Variants in MACO1 observed in about 807,000 individuals in gnomAD.
MACO1 encodes macoilin.
Under a neutral mutation model 78.7 loss-of-function variants are expected in MACO1, and 14 were observed. The observed-to-expected ratio is 0.18, with a 90% CI of 0.12 to 0.28. The LOEUF is 0.28. MACO1 is among the 10% of genes least tolerant of loss of function. The pLI is 1.00. For missense variants in MACO1, 501 were observed against 799.0 expected (o/e 0.63, Z 4.50); for synonymous variants, 288 against 291.6 (o/e 0.99, Z 0.12).
At chr1:25,431,559 C>T (rs1288883453) in intron 1 of MACO1, among the ~76,000 whole-genome samples, 1 of 151,992 alleles carries the variant, frequency 6.6e-6, no homozygotes, top group African/African-American at 2.4e-5. Context: ...CGCCGCTGGC[C>T]CCCGAGCCCC....
At chr1:25,446,357 A>G (rs2043015495) in intron 1 of MACO1, among the ~76,000 whole-genome samples, 2 of 152,230 alleles carry the variant, frequency 1.3e-5, no homozygotes, top group Non-Finnish European at 2.9e-5. Context: ...AAACAGATGT[A>G]TAGGGGTGGG....
At chr1:25,459,875 C>T (rs1210504854) in intron 6 of MACO1, among the ~76,000 whole-genome samples, 2 of 152,126 alleles carry the variant, frequency 1.3e-5, no homozygotes, top group African/African-American at 2.4e-5. Flanking sequence ...ATGTTCCTTT[C>T]ACCTCAGATC....
At position 25,430,964 on chromosome 1, in the gene MACO1, C is replaced by G. The variant is rs1172083498; in HGVS notation, c.-135C>G. 3 of 502,948 alleles carry G rather than the reference C, an allele frequency of 6.0e-6. No individual in the cohort carries two copies. Among genetic ancestry groups the G allele is most frequent in the Non-Finnish European group, 1.0e-5 (3 of 287,586 alleles). The allele number at this position is 502,948 out of a possible 1,614,324, so 31.2% of individuals were successfully genotyped here. ...CCCTCCCCGTGCTACCCCCTCCCCC[C>G]GGGTGCTGGCTCCATGTCTGTGTGA... On this transcript the variant is annotated 5_prime_UTR_variant, in exon 1 of 11. Coordinates refer to ENST00000374343, the MANE Select transcript of MACO1 (RefSeq NM_018202.6).
intron 6 of MACO1, among the ~76,000 whole-genome samples, chr1:25,462,081 C>T (rs2043176941): frequency 6.6e-6 from 1 of 152,124 alleles, no homozygotes. Context: ...TCAAACCTGA[C>T]ATGTTTGAGT....
intron 10 of MACO1, 73 bp downstream of exon 10, chr1:25,491,657 T>G (rs2043487006): frequency 1.5e-6 from 2 of 1,359,810 alleles, no homozygotes; most frequent in African/African-American, 1.4e-5. Flanking sequence ...AGACCTCTCC[T>G]GAGAGCTCTC....
chr1:25,454,194 A>G, intron 3 of MACO1, 65 bp from the exon 4 acceptor site: 4 of 1,417,774 alleles, frequency 2.8e-6, no homozygotes. Context: ...TTAGTCTCCC[A>G]AACAATCCAT....
rs1222151727 is a variant in MACO1, at chr1:25,499,070, T to C, written c.*604T>C. 1.3e-5 allele frequency: 2 copies of C among 152,276 alleles called. No homozygotes were observed. The highest frequency in any genetic ancestry group is 2.4e-5 in the African/African-American group (1 of 41,470). 9.4% of individuals were successfully genotyped at this position (152,276 alleles called of 1,614,324 possible). A position where few individuals can be genotyped will look rare whatever the true frequency, so the allele number is the denominator to read the frequency against. On this transcript the variant is annotated 3_prime_UTR_variant, in exon 11 of 11. Coordinates refer to ENST00000374343, the MANE Select transcript of MACO1 (RefSeq NM_018202.6). ...TAAGTGATGAAACTAGCTGTAAGAA[T>C]GTAACAGGGGTTGTGTTTGAAATAT...
chr1:25,480,925 AAAAAAT>A (rs2043367027), intron 6 of MACO1, among the ~76,000 whole-genome samples: 1 of 32,116 alleles, frequency 3.1e-5, no homozygotes, highest in Non-Finnish European at 6.6e-5. Context: ...AAAAAAAAAA[AAAAAAT>A]ATATATATAT....
In MACO1 at chr1:25,446,358, TA is replaced by T. The variant is rs1187827798; in HGVS notation, c.81-403del. ...TTCAAAGACTCTTCAAACAGATGTA[TA>T]GGGGTGGGGAAACAGCAAATTTGAA... On this transcript the variant is annotated intron_variant, in intron 1 of 10. Transcript: ENST00000374343. Among the ~76,000 whole-genome samples, 9 of 152,256 alleles carry T rather than the reference TA, an allele frequency of 5.9e-5. 1 individual carries two copies. The highest frequency in any genetic ancestry group is 2.2e-4 in the African/African-American group (9 of 41,566).
At chr1:25,494,890 G>A (rs548718059) in intron 10 of MACO1, among the ~76,000 whole-genome samples, 230 of 152,294 alleles carry the variant, frequency 1.5e-3, no homozygotes, top group African/African-American at 4.8e-3. Context: ...AACCAAAGAC[G>A]GAGGCCCAAA....
In MACO1 at chr1:25,462,009, CCT is replaced by C. The variant is rs554158996; in HGVS notation, c.1154+3120_1154+3121del. Among the ~76,000 whole-genome samples the C allele has an allele frequency of 6.9e-3, 1,047 of 152,306 alleles. 11 individuals are homozygous for C. Among genetic ancestry groups the C allele is most frequent in the Non-Finnish European group, 0.011 (775 of 68,030 alleles). On this transcript the variant is annotated intron_variant, in intron 6 of 10. Coordinates refer to ENST00000374343, the MANE Select transcript of MACO1 (RefSeq NM_018202.6). ...TCCTCCCACCCTTCCTTAGCCGTCGCCTCTGTTTCCTCATTTGACTTCATGTA... is the reference window on the plus strand; with the variant it reads ...TCCTCCCACCCTTCCTTAGCCGTCGCCTGTTTCCTCATTTGACTTCATGTA...
rs149488133 is a variant in MACO1 at position 25,447,456 on chromosome 1, T to G, written c.222+553T>G. On this transcript the variant is annotated intron_variant, in intron 2 of 10. Coordinates refer to ENST00000374343, the MANE Select transcript of MACO1 (RefSeq NM_018202.6). The stretch of plus-strand genomic sequence containing the variant: ...TAAAATACACACTTATTAATGCACT[T>G]AAACATCATAATAAGCCCATTACAC... Among the ~76,000 whole-genome samples, 256 of 152,342 alleles carry G rather than the reference T, an allele frequency of 1.7e-3. 2 individuals are homozygous for G. The highest frequency in any genetic ancestry group is 5.8e-3 in the African/African-American group (241 of 41,564).
chr1:25,496,567 T>C (rs2043539062), intron 10 of MACO1, among the ~76,000 whole-genome samples: 1 of 152,186 alleles, frequency 6.6e-6, no homozygotes, highest in Admixed American at 6.5e-5. Context: ...ATGAAAGTCA[T>C]GTGAGGCTTT....
chr1:25,432,090 G>A (rs929787865), intron 1 of MACO1, among the ~76,000 whole-genome samples: 1 of 152,056 alleles, frequency 6.6e-6, no homozygotes, highest in Non-Finnish European at 1.5e-5. Flanking sequence ...ACTTGTAAAT[G>A]GTATTTGCCT....
In MACO1 at chr1:25,498,922, CAG is replaced by C. The variant is rs1287016980; in HGVS notation, c.*459_*460del. 6.5e-6 allele frequency: 1 copy of C among 154,642 alleles called. No individual in the cohort carries two copies. The highest frequency in any genetic ancestry group is 2.4e-5 in the African/African-American group (1 of 41,472). 9.6% of individuals were successfully genotyped at this position (154,642 alleles called of 1,614,324 possible). A position where few individuals can be genotyped will look rare whatever the true frequency, so the allele number is the denominator to read the frequency against. On this transcript the variant is annotated 3_prime_UTR_variant, in exon 11 of 11. Transcript: ENST00000374343. ...AAGAGTGAAGGGTTAAGTAACCTAACAGAGCTTTGATGTTATAGCTGCATTAA... is the reference window on the plus strand; with the variant it reads ...AAGAGTGAAGGGTTAAGTAACCTAACAGCTTTGATGTTATAGCTGCATTAA...
intron 3 of MACO1, among the ~76,000 whole-genome samples, chr1:25,452,675 T>C (rs1373913950): frequency 1.3e-5 from 2 of 152,036 alleles, no homozygotes; most frequent in African/African-American, 4.8e-5. Context: ...TTTTTGCTAT[T>C]GCAAATAATA....
intron 1 of MACO1, among the ~76,000 whole-genome samples, chr1:25,433,573 C>A (rs1433417805): frequency 6.6e-6 from 1 of 151,852 alleles, no homozygotes; most frequent in Non-Finnish European, 1.5e-5. Flanking sequence ...CCAAACCTTT[C>A]ATGGACTTAC....
chr1:25,472,033 C>G (rs1223110984), intron 6 of MACO1, among the ~76,000 whole-genome samples: 1 of 152,114 alleles, frequency 6.6e-6, no homozygotes, highest in Non-Finnish European at 1.5e-5. Context: ...GCCAAGGAAT[C>G]TAGACAGAAG....
chr1:25,473,081 T>C (rs923941626), intron 6 of MACO1, among the ~76,000 whole-genome samples: 15 of 152,182 alleles, frequency 9.9e-5, no homozygotes, highest in African/African-American at 3.6e-4. Context: ...GGAAACATGT[T>C]TTTGATTTAT....
Sources: allele counts gnomAD v4.1 joint callset (sites outside exome capture counted in the v4.1 genomes callset), GRCh38; gene constraint gnomAD v4.1.1; transcripts MANE v1.5; gene names NCBI Gene and HGNC (gene_info 2026-07-23, HGNC 2026-07-21).